The following OPCML variants were observed in gnomAD, a reference collection of about 807,000 sequenced individuals.
OPCML encodes opioid binding protein/cell adhesion molecule like, also known as opioid-binding protein/cell adhesion molecule.
In OPCML, 13 loss-of-function variants were observed where a neutral mutation model predicts 37.8. That is an observed-to-expected ratio of 0.34 (90% CI 0.22 to 0.55). The LOEUF (loss-of-function observed/expected upper bound fraction) is 0.55. Among genes scored for constraint, OPCML ranks in the 20% least tolerant of loss-of-function variants. The pLI is 0.91. For missense variants in OPCML, 341 were observed against 435.6 expected (o/e 0.78, Z 1.93); for synonymous variants, 176 against 168.8 (o/e 1.04, Z -0.33).
intron 1 of OPCML, among the ~76,000 whole-genome samples, chr11:133,055,929 T>C (rs1948229025): frequency 6.6e-6 from 1 of 150,462 alleles, no homozygotes; most frequent in Non-Finnish European, 1.5e-5. Flanking sequence ...GCTGCCTCCA[T>C]GATACTTCCA....
chr11:132,734,305 C>T (rs1945181951), intron 2 of OPCML, among the ~76,000 whole-genome samples: 1 of 152,174 alleles, frequency 6.6e-6, no homozygotes, highest in South Asian at 2.1e-4. Context: ...CATCCAGTAA[C>T]ATGTGTCAGA....
At position 133,140,988 on chromosome 11, in the gene OPCML, A is replaced by AAGAC. The variant is rs1949800947; in HGVS notation, c.62-197979_62-197978insGTCT. On this transcript the variant is annotated intron_variant, in intron 1 of 7. Transcript: ENST00000524381. ...AAGAAGAAGAAGAAGAAGAAGAAGAAGAAGAAGAAGACGACGACGACGACG... is the reference window on the plus strand; with the variant it reads ...AAGAAGAAGAAGAAGAAGAAGAAGAAAGACGAAGAAGAAGACGACGACGACGACG... Among the ~76,000 whole-genome samples, 8 of 4,430 alleles carry AAGAC rather than the reference A, an allele frequency of 1.8e-3. 2 individuals are homozygous for AAGAC. Among genetic ancestry groups the AAGAC allele is most frequent in the African/African-American group, 3.1e-3 (8 of 2,616 alleles). 2.9% of individuals were successfully genotyped at this position (4,430 alleles called of 152,430 possible). A position where few individuals can be genotyped will look rare whatever the true frequency, so the allele number is the denominator to read the frequency against.
intron 2 of OPCML, among the ~76,000 whole-genome samples, chr11:132,767,181 G>A (rs978344233): frequency 2.6e-5 from 4 of 152,136 alleles, no homozygotes; most frequent in Admixed American, 1.3e-4. Flanking sequence ...TTATTTTAAG[G>A]TAAAAAGCTA....
At chr11:132,556,916 G>C (rs1167730161) in intron 3 of OPCML, among the ~76,000 whole-genome samples, 1 of 152,118 alleles carries the variant, frequency 6.6e-6, no homozygotes, top group Admixed American at 6.6e-5. Context: ...CCTGAACCTG[G>C]AATTTTATCA....
chr11:133,449,034 A>G (rs2136954592), intron 1 of OPCML, among the ~76,000 whole-genome samples: 1 of 152,326 alleles, frequency 6.6e-6, no homozygotes, highest in South Asian at 2.1e-4. Context: ...AACAAGTATT[A>G]GTTTATTATT....
rs868131638 is a variant in OPCML at position 132,558,324 on chromosome 11, T to C, written c.380-29138A>G. Reference sequence around the variant, plus strand: ...CCCTCCTCCTCTCCCCCTCCTCCCCTCTCCCCCCCTCCTCCTCTCCCCCTC... The same window carrying C: ...CCCTCCTCCTCTCCCCCTCCTCCCCCCTCCCCCCCTCCTCCTCTCCCCCTC... On this transcript the variant is annotated intron_variant, in intron 3 of 7. Transcript: ENST00000524381. 9.8e-3 allele frequency among the ~76,000 whole-genome samples: 196 copies of C among 19,910 alleles called. 3 individuals are homozygous for C. The highest frequency in any genetic ancestry group is 0.038 in the African/African-American group (137 of 3,604). The allele number at this position is 19,910 out of a possible 152,430, so 13.1% of individuals were successfully genotyped here.
chr11:132,797,928 G>A (rs1233995538), intron 2 of OPCML, among the ~76,000 whole-genome samples: 1 of 152,098 alleles, frequency 6.6e-6, no homozygotes, highest in Non-Finnish European at 1.5e-5. Flanking sequence ...AATGAAGTTG[G>A]CCACGTTGAT....
intron 1 of OPCML, among the ~76,000 whole-genome samples, chr11:133,385,782 T>C (rs1448738663): frequency 6.6e-6 from 1 of 152,174 alleles, no homozygotes. Flanking sequence ...ACTCATCCTC[T>C]TTCTTGTAAC....
At chr11:132,472,554 C>G (rs1468139824) in intron 4 of OPCML, among the ~76,000 whole-genome samples, 1 of 152,216 alleles carries the variant, frequency 6.6e-6, no homozygotes, top group South Asian at 2.1e-4. Context: ...CAAAGACATT[C>G]TCTTCTGTAA....
chr11:133,100,208 T>C (rs1396400563), intron 1 of OPCML, among the ~76,000 whole-genome samples: 1 of 152,126 alleles, frequency 6.6e-6, no homozygotes, highest in African/African-American at 2.4e-5. Context: ...AAGTACTACC[T>C]ATCAGGTACC....
At chr11:133,051,033 C>T (rs1948120299) in intron 1 of OPCML, among the ~76,000 whole-genome samples, 1 of 147,380 alleles carries the variant, frequency 6.8e-6, no homozygotes. Context: ...CTTGCCTCCT[C>T]CTGTCCCTCC....
intron 1 of OPCML, among the ~76,000 whole-genome samples, chr11:133,293,689 AC>A (rs1415217541): frequency 6.6e-6 from 1 of 152,050 alleles, no homozygotes; most frequent in African/African-American, 2.4e-5. Context: ...GTTCCAATTT[AC>A]CCCAAAGAAG....
intron 4 of OPCML, among the ~76,000 whole-genome samples, chr11:132,499,195 A>G (rs1370917075): frequency 6.6e-6 from 1 of 152,176 alleles, no homozygotes; most frequent in Non-Finnish European, 1.5e-5. Flanking sequence ...GAGCTGAGGA[A>G]AGGGTCCCTC....
chr11:132,641,426 G>A (rs1394175649), intron 3 of OPCML, among the ~76,000 whole-genome samples: 1 of 152,146 alleles, frequency 6.6e-6, no homozygotes, highest in Non-Finnish European at 1.5e-5. Context: ...CCCAGCACCT[G>A]CCTGGCACTT....
chr11:132,680,377 A>G (rs1942887641), intron 2 of OPCML, among the ~76,000 whole-genome samples: 1 of 152,188 alleles, frequency 6.6e-6, no homozygotes, highest in African/African-American at 2.4e-5. Flanking sequence ...AGGGCAGGAA[A>G]TCTCTCCCAG....
chr11:132,442,920 G>A (rs2096041377), intron 4 of OPCML, among the ~76,000 whole-genome samples: 1 of 152,104 alleles, frequency 6.6e-6, no homozygotes. Flanking sequence ...CGTAAGAACA[G>A]GCTAAACAGG....
chr11:133,220,414 C>T (rs1377673008), intron 1 of OPCML, among the ~76,000 whole-genome samples: 1 of 152,186 alleles, frequency 6.6e-6, no homozygotes, highest in East Asian at 1.9e-4. Flanking sequence ...TGCTATTCCA[C>T]ATGAAGGCCA....
intron 1 of OPCML, among the ~76,000 whole-genome samples, chr11:133,357,710 T>G (rs1944320230): frequency 6.6e-6 from 1 of 152,170 alleles, no homozygotes; most frequent in Non-Finnish European, 1.5e-5. Flanking sequence ...TTCCTCCTCC[T>G]TTTCAAAGGA....
rs951094432 is a variant in OPCML, at chr11:133,423,141, A to G, written c.61+109123T>C. Reference sequence around the variant, plus strand: ...GCCTTTCAGGATCTTATAACCATTCATCCTCTTTCAGAATTTATCTTTACA... The same window carrying G: ...GCCTTTCAGGATCTTATAACCATTCGTCCTCTTTCAGAATTTATCTTTACA... On this transcript the variant is annotated intron_variant, in intron 1 of 7. Coordinates refer to ENST00000524381, the MANE Select transcript of OPCML (RefSeq NM_001012393.5). The G allele has an allele frequency of 5.1e-6, 5 of 985,298 alleles. No homozygotes were observed. In the African/African-American group the frequency reaches 7.0e-5, roughly 14 times the overall value. 61.0% of individuals were successfully genotyped at this position (985,298 alleles called of 1,614,324 possible).
Sources: allele counts gnomAD v4.1 joint callset (sites outside exome capture counted in the v4.1 genomes callset), GRCh38; gene constraint gnomAD v4.1.1; transcripts MANE v1.5; gene names NCBI Gene and HGNC (gene_info 2026-07-23, HGNC 2026-07-21).